The following ARHGEF17 variants were observed in gnomAD, a reference collection of about 807,000 sequenced individuals.
ARHGEF17 encodes the protein Rho guanine nucleotide exchange factor 17.
ARHGEF17 carries 80 observed loss-of-function variants against 174.0 expected under a neutral mutation model. That is an observed-to-expected ratio of 0.46 (90% CI 0.38 to 0.55). ARHGEF17 has a LOEUF of 0.55. Ranked by LOEUF, ARHGEF17 falls within the 20% of genes least tolerant of loss-of-function variation. ARHGEF17 has a pLI of 0.00. For missense variants in ARHGEF17, 2,886 were observed against 2,839.7 expected (o/e 1.02, Z -0.37); for synonymous variants, 1,311 against 1,189.1 (o/e 1.10, Z -2.11).
intron 9 of ARHGEF17, among the ~76,000 whole-genome samples, chr11:73,359,269 G>A (rs1034605324): frequency 7.9e-5 from 12 of 152,222 alleles, no homozygotes; most frequent in Admixed American, 7.9e-4. Context: ...CAAGGGTGGA[G>A]GGACAGCTCC....
At chr11:73,316,170 G>A (rs1465196160) in intron 1 of ARHGEF17, among the ~76,000 whole-genome samples, 1 of 152,212 alleles carries the variant, frequency 6.6e-6, no homozygotes, top group Non-Finnish European at 1.5e-5. Flanking sequence ...CTATGAAGAG[G>A]GCACAGCATG....
chr11:73,326,782 G>A (rs1426590402), intron 1 of ARHGEF17, among the ~76,000 whole-genome samples: 1 of 152,136 alleles, frequency 6.6e-6, no homozygotes, highest in Non-Finnish European at 1.5e-5. Context: ...TCTTCTAGAG[G>A]AATCTTGACA....
chr11:73,347,271 C>T (rs1002036769), intron 2 of ARHGEF17: 3 of 473,002 alleles, frequency 6.3e-6, no homozygotes, highest in Non-Finnish European at 1.2e-5. Flanking sequence ...TGATGTGCCG[C>T]CTCCATTGTA....
chr11:73,309,248 C>G lies in ARHGEF17; in HGVS notation c.610C>G (p.Gln204Glu), dbSNP rs1378790557. 3 of 1,606,984 alleles carry G rather than the reference C, an allele frequency of 1.9e-6. No individual in the cohort carries two copies. In the East Asian group the frequency reaches 6.8e-5, roughly 36 times the overall value. ...GAGGCTGCGCCGGCCGCAGCAGCAA[C>G]AGGAGCGGGCGCAGCGTCCAGCGGA... ...EGRLRRPQQQQERAQRPADGL... is the reference protein window; with the variant it reads ...EGRLRRPQQQEERAQRPADGL... The change falls in exon 1 of 21, where the codon CAG becomes GAG. Residue 204 changes from glutamine to glutamate, a missense_variant. Gln to Glu is a conservative substitution (Grantham distance 29). This residue lies in a region of ARHGEF17 where 1,728 missense variants were observed against 1,461.2 expected (regional missense o/e 1.18). Coordinates refer to ENST00000263674, the MANE Select transcript of ARHGEF17 (RefSeq NM_014786.4).
chr11:73,317,798 C>G (rs1864952850), intron 1 of ARHGEF17, among the ~76,000 whole-genome samples: 1 of 152,144 alleles, frequency 6.6e-6, no homozygotes, highest in Admixed American at 6.5e-5. Flanking sequence ...GGCTGCTGGG[C>G]TCTGTGCAGT....
At position 73,310,596 on chromosome 11, in the gene ARHGEF17, A is replaced by C. The variant is rs1451380676; in HGVS notation, c.1958A>C (p.Glu653Ala). Residue 653 changes from glutamate (E) to alanine (A), a missense_variant, in exon 1 of 21, where the codon GAG (glutamate) becomes GCG (alanine). Around this residue, in one of 4 missense-constraint regions of ARHGEF17, gnomAD observed 1,728 missense variants for 1,461.2 expected, o/e 1.18. Transcript: ENST00000263674. ...LTDEGIGADPEPPVAAFCGLG... is the reference protein window; with the variant it reads ...LTDEGIGADPAPPVAAFCGLG... The stretch of plus-strand genomic sequence containing the variant: ...GATGAAGGCATTGGGGCAGACCCTG[A>C]GCCTCCTGTTGCAGCATTTTGCGGC... 3 of 1,613,984 alleles carry C rather than the reference A, an allele frequency of 1.9e-6. No homozygotes were observed. The African/African-American group carries it at 4.0e-5, about 22-fold the overall frequency.
In ARHGEF17 at chr11:73,309,765, GCTTTCC is replaced by G. The variant is rs759856826; in HGVS notation, c.1130_1135del (p.Phe377_Pro378del). Reference sequence around the variant, plus strand: ...GGAGCTTTCCGTGTGGCCAAGGTGAGCTTTCCCTCGTACCTGGCCAGCCCCGCAGGC... The same window carrying G: ...GGAGCTTTCCGTGTGGCCAAGGTGAGCTCGTACCTGGCCAGCCCCGCAGGC... On this transcript the variant is annotated inframe_deletion, in exon 1 of 21. Coordinates refer to ENST00000263674, the MANE Select transcript of ARHGEF17 (RefSeq NM_014786.4). The G allele has an allele frequency of 6.2e-7, 1 of 1,613,008 alleles. No individual in the cohort carries two copies. Among genetic ancestry groups the G allele is most frequent in the South Asian group, 1.1e-5 (1 of 91,088 alleles).
chr11:73,343,111 CGGCG>C, intron 1 of ARHGEF17: 7 of 359,234 alleles, frequency 1.9e-5, no homozygotes, highest in East Asian at 8.2e-5. Context: ...GCCGCCACCC[CGGCG>C]CCCCCGCCCC....
intron 1 of ARHGEF17, among the ~76,000 whole-genome samples, chr11:73,342,171 A>G (rs1463275544): frequency 6.7e-6 from 1 of 149,808 alleles, no homozygotes; most frequent in Non-Finnish European, 1.5e-5. Flanking sequence ...AGCACAGTCT[A>G]GGGGTGGGAG....
intron 1 of ARHGEF17, among the ~76,000 whole-genome samples, chr11:73,341,674 C>A (rs947958345): frequency 1.3e-5 from 2 of 152,316 alleles, no homozygotes; most frequent in African/African-American, 4.8e-5. Flanking sequence ...TGGGCCAAGA[C>A]CCTGAGGCAG....
At chr11:73,325,306 A>G (rs775323251) in intron 1 of ARHGEF17, among the ~76,000 whole-genome samples, 9 of 151,902 alleles carry the variant, frequency 5.9e-5, no homozygotes, top group Non-Finnish European at 1.2e-4. Flanking sequence ...GGCCTCAGTC[A>G]TCAGGTCGCT....
rs763095962 is a variant in ARHGEF17, at chr11:73,362,434, G to A, written c.4696G>A (p.Glu1566Lys). 12 of 1,552,170 alleles carry A rather than the reference G, an allele frequency of 7.7e-6. No homozygotes were observed. Among genetic ancestry groups the A allele is most frequent in the East Asian group, 2.3e-5 (1 of 43,944 alleles). Residue 1566 changes from glutamate to lysine, a missense_variant and splice_region_variant, in exon 14 of 21, where the codon GAG (glutamate) becomes AAG (lysine). Glu to Lys is a moderately conservative substitution (Grantham distance 56, BLOSUM62 1). Transcript: ENST00000263674. ...VPGLQPRCHR[E>K]PPPSLRSPPE... ...CATCCTCACTCCGTCTTCTCGCAGG[G>A]AGCCTCCTCCGTCGCTGAGGAGTCC...
At chr11:73,366,826 G>A (rs1000163021) in intron 20 of ARHGEF17, among the ~76,000 whole-genome samples, 3 of 152,102 alleles carry the variant, frequency 2.0e-5, no homozygotes, top group African/African-American at 7.2e-5. Flanking sequence ...GATCACCTGA[G>A]GTCAGGAGTT....
At position 73,368,138 on chromosome 11, in the gene ARHGEF17, A is replaced by G. The variant is rs1305117235; in HGVS notation, c.*358A>G. 1.8e-5 allele frequency: 4 copies of G among 228,342 alleles called. No individual in the cohort carries two copies. Among genetic ancestry groups the G allele is most frequent in the Non-Finnish European group, 2.6e-5 (3 of 115,942 alleles). The allele number at this position is 228,342 out of a possible 1,614,324, so 14.1% of individuals were successfully genotyped here. ...TTTGGAGGGTTTTCTGGAGGGCAGCAGGAAGGCTGGGGAATTCCCCATGTA... is the reference window on the plus strand; with the variant it reads ...TTTGGAGGGTTTTCTGGAGGGCAGCGGGAAGGCTGGGGAATTCCCCATGTA... On this transcript the variant is annotated 3_prime_UTR_variant, in exon 21 of 21. Transcript: ENST00000263674.
intron 1 of ARHGEF17, among the ~76,000 whole-genome samples, chr11:73,321,008 G>A (rs958607293): frequency 5.9e-5 from 9 of 152,214 alleles, no homozygotes; most frequent in African/African-American, 1.7e-4. Context: ...TTGGCACACA[G>A]TAAGTGCTCA....
At position 73,311,783 on chromosome 11, in the gene ARHGEF17, G is replaced by A. The variant is rs376945309; in HGVS notation, c.3145G>A (p.Ala1049Thr). 7.3e-5 allele frequency: 118 copies of A among 1,611,402 alleles called. No homozygotes were observed. Among genetic ancestry groups the A allele is most frequent in the African/African-American group, 1.3e-4 (10 of 74,926 alleles). The change falls in exon 1 of 21, where the codon GCA becomes ACA. Residue 1049 changes from alanine (A) to threonine (T), a missense_variant. By Grantham distance (58) the Ala-to-Thr change is moderately conservative. This residue lies in a region of ARHGEF17 where 1,728 missense variants were observed against 1,461.2 expected (regional missense o/e 1.18). Transcript: ENST00000263674. ...CAAGCCCCCTGAGGCAGCTCGGCCT[G>A]CAGATGAGCCTACCCCTGCCAGCAA... ...EAKPPEAARP[A>T]DEPTPASKCC...
intron 1 of ARHGEF17, among the ~76,000 whole-genome samples, chr11:73,334,983 C>T (rs954362696): frequency 2.0e-5 from 3 of 152,184 alleles, no homozygotes; most frequent in Non-Finnish European, 4.4e-5. Flanking sequence ...TGGTCTGGTG[C>T]TGAGCCAGTG....
rs1261899104 is a variant in ARHGEF17 at position 73,368,454 on chromosome 11, A to T, written c.*674A>T. 2.6e-5 allele frequency: 4 copies of T among 152,180 alleles called. No homozygotes were observed. Among genetic ancestry groups the T allele is most frequent in the African/African-American group, 9.7e-5 (4 of 41,436 alleles). The allele number at this position is 152,180 out of a possible 1,614,324, so 9.4% of individuals were successfully genotyped here. A position where few individuals can be genotyped will look rare whatever the true frequency, so the allele number is the denominator to read the frequency against. On this transcript the variant is annotated 3_prime_UTR_variant, in exon 21 of 21. Coordinates refer to ENST00000263674, the MANE Select transcript of ARHGEF17 (RefSeq NM_014786.4). The stretch of plus-strand genomic sequence containing the variant: ...GCCCCAGCCTGATGGGGCTGCCCTC[A>T]GTCCTCTAGATCAAGATGCTGACTA...
intron 2 of ARHGEF17, among the ~76,000 whole-genome samples, chr11:73,350,722 CTG>C (rs1048551287): frequency 3.4e-4 from 52 of 152,364 alleles, no homozygotes; most frequent in Middle Eastern, 3.4e-3. Flanking sequence ...ATTTTCAACT[CTG>C]ACACTCGAAG....
Sources: gnomAD v4.1 joint callset for allele counts (sites outside exome capture counted in the v4.1 genomes callset) on GRCh38, gnomAD v4.1.1 for gene constraint, gnomAD v4.1.1 regional missense constraint, MANE v1.5 for transcripts, NCBI Gene and HGNC (gene_info 2026-07-23, HGNC 2026-07-21) for gene names.